DSCAM: variants seen among roughly 807,000 people sequenced by gnomAD.
DSCAM encodes the protein cell adhesion molecule DSCAM.
Under a neutral mutation model 217.7 loss-of-function variants are expected in DSCAM, and 47 were observed. The observed-to-expected ratio is 0.22, with a 90% CI of 0.17 to 0.28. DSCAM has a LOEUF of 0.28. DSCAM is among the 10% of genes least tolerant of loss of function. DSCAM has a pLI of 1.00. For synonymous variants in DSCAM, 1,056 were observed against 1,015.3 expected (o/e 1.04, Z -0.76); for missense variants, 2,080 against 2,618.3 (o/e 0.79, Z 4.49).
At chr21:40,735,824 A>C (rs1317499090) in intron 1 of DSCAM, among the ~76,000 whole-genome samples, 1 of 152,134 alleles carries the variant, frequency 6.6e-6, no homozygotes, top group African/African-American at 2.4e-5. Context: ...CACACCAACC[A>C]ATTCTCTCTG....
At chr21:40,242,296 CAT>C (rs913160505) in intron 11 of DSCAM, among the ~76,000 whole-genome samples, 7 of 152,212 alleles carry the variant, frequency 4.6e-5, no homozygotes, top group African/African-American at 1.7e-4. Context: ...CTGTCTGTCA[CAT>C]GTTTCCGCTC....
At chr21:40,442,107 C>T (rs2075635752) in intron 3 of DSCAM, among the ~76,000 whole-genome samples, 1 of 152,082 alleles carries the variant, frequency 6.6e-6, no homozygotes, top group Non-Finnish European at 1.5e-5. Context: ...AGCATATTTG[C>T]TGAAAGAATG....
chr21:40,320,381 T>C (rs957195806), intron 8 of DSCAM, among the ~76,000 whole-genome samples: 4 of 152,250 alleles, frequency 2.6e-5, no homozygotes, highest in African/African-American at 7.2e-5. Flanking sequence ...ATAAAGATTC[T>C]AATATGGCCA....
intron 3 of DSCAM, among the ~76,000 whole-genome samples, chr21:40,551,980 G>C (rs1309698627): frequency 6.6e-6 from 1 of 152,140 alleles, no homozygotes; most frequent in Non-Finnish European, 1.5e-5. Context: ...TTACAGTAAG[G>C]AGGCAGCTGA....
chr21:40,759,594 G>A (rs999856401), intron 1 of DSCAM, among the ~76,000 whole-genome samples: 4 of 152,238 alleles, frequency 2.6e-5, no homozygotes, highest in African/African-American at 2.4e-5. Flanking sequence ...TCAATACGGC[G>A]GGGAGTGGGC....
intron 1 of DSCAM, among the ~76,000 whole-genome samples, chr21:40,713,850 A>G (rs966501629): frequency 2.6e-5 from 4 of 152,210 alleles, no homozygotes; most frequent in African/African-American, 9.7e-5. Context: ...ACATTAATCT[A>G]ATAACTAGAT....
chr21:40,834,249 A>C (rs1369093439), intron 1 of DSCAM, among the ~76,000 whole-genome samples: 1 of 151,696 alleles, frequency 6.6e-6, no homozygotes, highest in Non-Finnish European at 1.5e-5. Context: ...TCTACTAAAA[A>C]TACAAAAATT....
intron 11 of DSCAM, among the ~76,000 whole-genome samples, chr21:40,273,754 G>A (rs2073650623): frequency 6.6e-6 from 1 of 152,182 alleles, no homozygotes. Flanking sequence ...GCTGCCAGCA[G>A]GGGCAGGTTC....
intron 9 of DSCAM, among the ~76,000 whole-genome samples, chr21:40,298,918 A>C (rs1480502306): frequency 1.3e-5 from 2 of 152,210 alleles, no homozygotes; most frequent in African/African-American, 2.4e-5. Flanking sequence ...TATGAGAAAC[A>C]ACCATAGAAA....
intron 3 of DSCAM, among the ~76,000 whole-genome samples, chr21:40,472,798 T>C (rs1316672960): frequency 2.6e-5 from 4 of 152,098 alleles, no homozygotes; most frequent in South Asian, 2.1e-4. Flanking sequence ...TCACATTCCA[T>C]CCCCTTCTAG....
chr21:40,265,283 T>C (rs1390367912), intron 11 of DSCAM, among the ~76,000 whole-genome samples: 7 of 151,266 alleles, frequency 4.6e-5, no homozygotes, highest in African/African-American at 1.5e-4. Context: ...TTAATAAATA[T>C]ACTCTACCAA....
At chr21:40,087,129 C>T (rs1163616977) in intron 22 of DSCAM, 41 bp downstream of exon 22, 1 of 1,403,300 alleles carries the variant, frequency 7.1e-7, no homozygotes, top group South Asian at 1.2e-5. Flanking sequence ...GATGTAATCT[C>T]TTAGAGTCTC....
intron 3 of DSCAM, among the ~76,000 whole-genome samples, chr21:40,559,786 CTTTTTTTTTT>C (rs548599799): frequency 1.8e-5 from 2 of 109,410 alleles, no homozygotes; most frequent in South Asian, 3.0e-4. Flanking sequence ...AATTTTCTGT[CTTTTTTTTTT>C]TTTTTTTTTT....
chr21:40,044,653 T>G (rs1426172768), intron 30 of DSCAM, among the ~76,000 whole-genome samples: 1 of 152,152 alleles, frequency 6.6e-6, no homozygotes, highest in Non-Finnish European at 1.5e-5. Context: ...TGATGAAGAT[T>G]ATAAAGAAAA....
At chr21:40,813,642 CTTG>C in intron 1 of DSCAM, among the ~76,000 whole-genome samples, 1 of 141,972 alleles carries the variant, frequency 7.0e-6, no homozygotes, top group Non-Finnish European at 1.5e-5. Context: ...TTCTTTCTTT[CTTG>C]TTTTTTTTTT....
chr21:40,274,452 A>T lies in DSCAM; in HGVS notation c.2356+1645T>A, dbSNP rs1601507715. Among the ~76,000 whole-genome samples the T allele has an allele frequency of 2.0e-5, 3 of 152,276 alleles. No homozygotes were observed. The East Asian group carries it at 5.8e-4, about 29-fold the overall frequency. On this transcript the variant is annotated intron_variant, in intron 11 of 32. Transcript: ENST00000400454. ...ATGGTTGATTGTACTTGTATCCTTC[A>T]TAGGGTCTTATATATATTGGGTCCT... is the stretch of plus-strand genomic sequence containing the variant.
At chr21:40,760,099 C>G (rs1253362529) in intron 1 of DSCAM, among the ~76,000 whole-genome samples, 4 of 151,840 alleles carry the variant, frequency 2.6e-5, no homozygotes, top group Non-Finnish European at 4.4e-5. Context: ...GTTCAAGCAA[C>G]TCTTCAGCCT....
chr21:40,780,419 G>GTATATATATATATA (rs1417914986), intron 1 of DSCAM, among the ~76,000 whole-genome samples: 3 of 44,714 alleles, frequency 6.7e-5, no homozygotes, highest in African/African-American at 5.9e-4. Context: ...GTGTGTGTGT[G>GTATATATATATATA]TGTGTATATA....
intron 11 of DSCAM, among the ~76,000 whole-genome samples, chr21:40,234,859 G>A (rs2091412565): frequency 6.6e-6 from 1 of 152,078 alleles, no homozygotes; most frequent in South Asian, 2.1e-4. Flanking sequence ...GAAGCCCAGG[G>A]TAGAGGCAGG....
Sources: allele counts gnomAD v4.1 joint callset (sites outside exome capture counted in the v4.1 genomes callset), GRCh38; gene constraint gnomAD v4.1.1; transcripts MANE v1.5; gene names NCBI Gene and HGNC (gene_info 2026-07-23, HGNC 2026-07-21).